Variants in NFIC observed in about 807,000 individuals in gnomAD.
The protein encoded by NFIC is nuclear factor I C.
A neutral mutation model predicts 54.4 loss-of-function variants in NFIC; 12 were observed. That is an observed-to-expected ratio of 0.22 (90% CI 0.14 to 0.36). The LOEUF (loss-of-function observed/expected upper bound fraction) is 0.36, where lower values mean the gene tolerates loss of function less well. Ranked by LOEUF, NFIC falls within the 10% of genes least tolerant of loss-of-function variation. The pLI is 1.00. For missense variants in NFIC, 575 were observed against 718.2 expected, an observed-to-expected ratio of 0.80 and a Z score of 2.28; for synonymous variants, 322 against 319.2, an observed-to-expected ratio of 1.01 and a Z score of -0.09.
At chr19:3,447,296 C>G (rs1056402435) in intron 6 of NFIC, among the ~76,000 whole-genome samples, 1 of 134,464 alleles carries the variant, frequency 7.4e-6, no homozygotes, top group South Asian at 2.4e-4. Flanking sequence ...GAGACTCTAT[C>G]TCAAAAAAAA....
intron 2 of NFIC, among the ~76,000 whole-genome samples, chr19:3,390,418 A>G (rs10426280): frequency 0.29 from 44,199 of 152,068 alleles, 6,546 homozygotes; most frequent in East Asian, 0.42. Flanking sequence ...AGAGCCCACC[A>G]GGACTGGCCA....
upstream of NFIC, among the ~76,000 whole-genome samples, chr19:3,365,326 C>T (rs1006187650): frequency 6.6e-6 from 1 of 152,190 alleles, no homozygotes; most frequent in Non-Finnish European, 1.5e-5. Context: ...GAACATTTGA[C>T]CCAAGGTCAA....
At chr19:3,365,486 AGGGTT>A (rs2080868235), upstream of NFIC, among the ~76,000 whole-genome samples, 1 of 151,910 alleles carries the variant, frequency 6.6e-6, no homozygotes, top group Non-Finnish European at 1.5e-5. Context: ...GAACCGGGGG[AGGGTT>A]GGGGCCCTGT....
chr19:3,386,361 C>T (rs79939614), intron 2 of NFIC, among the ~76,000 whole-genome samples: 71,923 of 136,014 alleles, frequency 0.53, 20,176 homozygotes, highest in Middle Eastern at 0.68. Context: ...CTCACTCTGT[C>T]ACCCAGGCTG....
chr19:3,463,412 G>T lies in NFIC; in HGVS notation c.*643G>T. 1 of 985,594 alleles carries T rather than the reference G, an allele frequency of 1.0e-6. No homozygotes were observed. Among genetic ancestry groups the T allele is most frequent in the Non-Finnish European group, 1.2e-6 (1 of 830,092 alleles). The allele number at this position is 985,594 out of a possible 1,614,324, so 61.1% of individuals were successfully genotyped here. A position where few individuals can be genotyped will look rare whatever the true frequency, so the allele number is the denominator to read the frequency against. ...GGGCAGGGTGGGGCAGGCGAGTGGT[G>T]TCGCGGGGGTGCGTGGCGCTTGCGA... On this transcript the variant is annotated 3_prime_UTR_variant, in exon 11 of 11. Transcript: ENST00000443272.
chr19:3,466,282 C>G lies in NFIC; in HGVS notation c.*3513C>G, dbSNP rs2082716057. ...CAGCTTCCTTTGCTTTTTACTTGAC[C>G]AAAGCTAAGACAATAGCCAGATGGT... On this transcript the variant is annotated 3_prime_UTR_variant, in exon 11 of 11. Coordinates refer to ENST00000443272, the MANE Select transcript of NFIC (RefSeq NM_001245002.2). This position sits in a 1 kb window ranked among gnomAD's most constrained non-coding sequence, Gnocchi z 4.8. 6.6e-6 allele frequency: 1 copy of G among 151,782 alleles called. No homozygotes were observed. Among genetic ancestry groups the G allele is most frequent in the African/African-American group, 2.4e-5 (1 of 41,272 alleles). 9.4% of individuals were successfully genotyped at this position (151,782 alleles called of 1,614,324 possible). A position where few individuals can be genotyped will look rare whatever the true frequency, so the allele number is the denominator to read the frequency against.
chr19:3,418,832 A>G (rs1306374754), intron 2 of NFIC, among the ~76,000 whole-genome samples: 1 of 152,208 alleles, frequency 6.6e-6, no homozygotes, highest in Non-Finnish European at 1.5e-5. Context: ...AGCCTGGGCA[A>G]CACGGCAAGA....
intron 2 of NFIC, among the ~76,000 whole-genome samples, chr19:3,405,585 A>T (rs1322264304): frequency 1.3e-5 from 2 of 151,628 alleles, no homozygotes; most frequent in African/African-American, 2.4e-5. Flanking sequence ...ATTTTTATTT[A>T]ATTTAATTTA....
At chr19:3,395,594 T>C (rs763574553) in intron 2 of NFIC, among the ~76,000 whole-genome samples, 11 of 151,014 alleles carry the variant, frequency 7.3e-5, no homozygotes, top group Non-Finnish European at 1.5e-4. Flanking sequence ...TCTCTCAGGC[T>C]CAAGGGATCC....
intron 2 of NFIC, among the ~76,000 whole-genome samples, chr19:3,390,109 G>A (rs1262005626): frequency 2.0e-5 from 3 of 152,242 alleles, no homozygotes; most frequent in South Asian, 2.1e-4. Flanking sequence ...TCCCAACCCA[G>A]TGAGCCAGTG....
At position 3,463,856 on chromosome 19, in the gene NFIC, C is replaced by T. The variant is rs1029761943; in HGVS notation, c.*1087C>T. On this transcript the variant is annotated 3_prime_UTR_variant, in exon 11 of 11. Transcript: ENST00000443272. ...GTTTAAGTGCCTGATTACCACCACCCGCCCCCCCCTTTGTCCAGCTGGGAC... is the reference window on the plus strand; with the variant it reads ...GTTTAAGTGCCTGATTACCACCACCTGCCCCCCCCTTTGTCCAGCTGGGAC... 58 of 983,706 alleles carry T rather than the reference C, an allele frequency of 5.9e-5. No individual in the cohort carries two copies. Among genetic ancestry groups the T allele is most frequent in the Non-Finnish European group, 6.6e-5 (55 of 829,118 alleles). 60.9% of individuals were successfully genotyped at this position (983,706 alleles called of 1,614,324 possible). A position where few individuals can be genotyped will look rare whatever the true frequency, so the allele number is the denominator to read the frequency against.
rs2082178350 is a variant in NFIC, at chr19:3,435,094, A to G, written c.845A>G (p.His282Arg). 1 of 1,601,988 alleles carries G rather than the reference A, an allele frequency of 6.2e-7. No homozygotes were observed. Among genetic ancestry groups the G allele is most frequent in the Non-Finnish European group, 8.5e-7 (1 of 1,173,222 alleles). ...CCCTCGCCCATAAGGAGCAAGCGGC[A>G]CAAATCGGGCTCGATGGAGGAAGAC... ...PSTSSSGSKRHKSGSMEEDVD... is the reference protein window; with the variant it reads ...PSTSSSGSKRRKSGSMEEDVD... Residue 282 changes from histidine to arginine, a missense_variant, in exon 6 of 11, where the codon CAC (histidine) becomes CGC (arginine). Coordinates refer to ENST00000443272, the MANE Select transcript of NFIC (RefSeq NM_001245002.2).
rs2082732193 is a variant in NFIC, at chr19:3,467,554, A to G, written c.*4785A>G. 6.6e-6 allele frequency: 1 copy of G among 150,804 alleles called. No homozygotes were observed. Among genetic ancestry groups the G allele is most frequent in the Admixed American group, 6.6e-5 (1 of 15,184 alleles). The allele number at this position is 150,804 out of a possible 1,614,324, so 9.3% of individuals were successfully genotyped here. A position where few individuals can be genotyped will look rare whatever the true frequency, so the allele number is the denominator to read the frequency against. On this transcript the variant is annotated 3_prime_UTR_variant, in exon 11 of 11. Transcript: ENST00000443272. The stretch of plus-strand genomic sequence containing the variant: ...CCTGCAGGTCCCCAGGCAGCAGACA[A>G]TTCCACCTTCCCTGCCCCAGGACCT...
chr19:3,390,646 G>A (rs1325762637), intron 2 of NFIC, among the ~76,000 whole-genome samples: 1 of 152,140 alleles, frequency 6.6e-6, no homozygotes, highest in Non-Finnish European at 1.5e-5. Context: ...ATGAGGACAG[G>A]GCCTGGTATA....
At chr19:3,409,697 G>T (rs1238000586) in intron 2 of NFIC, among the ~76,000 whole-genome samples, 1 of 152,262 alleles carries the variant, frequency 6.6e-6, no homozygotes, top group Non-Finnish European at 1.5e-5. Flanking sequence ...CCTTTGTCAT[G>T]AGCTAGGATG....
rs1400986296 is a variant in NFIC, at chr19:3,370,021, C to T, written c.30+3355C>T. ...ACCTTTGTTGGATTTTCTAGATCTTCCTTAAGCATCTCCTGGGCCCTGGGG... is the reference window on the plus strand; with the variant it reads ...ACCTTTGTTGGATTTTCTAGATCTTTCTTAAGCATCTCCTGGGCCCTGGGG... On this transcript the variant is annotated intron_variant, in intron 1 of 10. Transcript: ENST00000443272. The surrounding 1 kb of genome is among the most constrained non-coding windows in gnomAD (Gnocchi z 5.2). Among the ~76,000 whole-genome samples, 1 of 152,142 alleles carries T rather than the reference C, an allele frequency of 6.6e-6. No individual in the cohort carries two copies. The highest frequency in any genetic ancestry group is 1.9e-4 in the East Asian group (1 of 5,186).
intron 2 of NFIC, among the ~76,000 whole-genome samples, chr19:3,395,645 C>G (rs536371972): frequency 9.2e-5 from 14 of 151,926 alleles, no homozygotes; most frequent in Non-Finnish European, 1.6e-4. Context: ...TATAGGCGTG[C>G]ACCACTACGC....
At chr19:3,379,328 G>T in intron 1 of NFIC, among the ~76,000 whole-genome samples, 1 of 151,390 alleles carries the variant, frequency 6.6e-6, no homozygotes, top group Non-Finnish European at 1.5e-5. Flanking sequence ...AAAGTGCTAG[G>T]ATTACAGGCA....
At chr19:3,429,294 A>ACACACG (rs2030498661) in intron 3 of NFIC, among the ~76,000 whole-genome samples, 4 of 130,872 alleles carry the variant, frequency 3.1e-5, no homozygotes, top group African/African-American at 1.2e-4. Context: ...ACACACACAC[A>ACACACG]CTAGCCAAAC....
Sources: allele counts gnomAD v4.1 joint callset (sites outside exome capture counted in the v4.1 genomes callset), GRCh38; gene constraint gnomAD v4.1.1; non-coding constraint Gnocchi (gnomAD v3.1); transcripts MANE v1.5; gene names NCBI Gene and HGNC (gene_info 2026-07-23, HGNC 2026-07-21).